Variants in ATM observed in about 807,000 individuals in gnomAD.
ATM encodes serine-protein kinase ATM.
Under a neutral mutation model 387.0 loss-of-function variants are expected in ATM, and 308 were observed. That is an observed-to-expected ratio of 0.80 (90% CI 0.73 to 0.87). The LOEUF is 0.87. Among genes scored for constraint, ATM ranks in the 40% least tolerant of loss-of-function variants. The pLI is 0.00. For missense variants in ATM, 3,312 were observed against 3,560.9 expected (o/e 0.93, Z 1.78); for synonymous variants, 1,156 against 1,187.3 (o/e 0.97, Z 0.54).
At chr11:108,311,236 A>G (rs1225531457) in intron 39 of ATM, among the ~76,000 whole-genome samples, 3 of 152,118 alleles carry the variant, frequency 2.0e-5, no homozygotes, top group African/African-American at 7.2e-5. Context: ...CAGCCTTTCA[A>G]AGTGCTGGGA....
At chr11:108,354,785 C>T (rs373681524) in intron 60 of ATM, 26 bp from the exon 61 acceptor site, 178 of 1,598,370 alleles carry the variant, frequency 1.1e-4, no homozygotes, top group Non-Finnish European at 1.3e-4. Flanking sequence ...TAACAAAATC[C>T]GTATTTATAA....
chr11:108,238,214 A>T (rs1473993971), intron 5 of ATM, among the ~76,000 whole-genome samples: 2 of 152,040 alleles, frequency 1.3e-5, no homozygotes, highest in East Asian at 3.8e-4. Flanking sequence ...GACTTGAGCC[A>T]CCGCGTCTGG....
chr11:108,310,915 G>A (rs1327965306), intron 39 of ATM, among the ~76,000 whole-genome samples: 1 of 152,096 alleles, frequency 6.6e-6, no homozygotes, highest in African/African-American at 2.4e-5. Context: ...AAATAAGAAA[G>A]TAAGAGTAAA....
In ATM at chr11:108,354,877, A is replaced by G. The variant is rs769427492; in HGVS notation, c.8850+3A>G. 9 of 1,610,124 alleles carry G rather than the reference A, an allele frequency of 5.6e-6. No individual in the cohort carries two copies. The highest frequency in any genetic ancestry group is 1.3e-5 in the African/African-American group (1 of 74,866). On this transcript the variant is annotated splice_donor_region_variant and intron_variant, in intron 61 of 62. Transcript: ENST00000675843. The stretch of plus-strand genomic sequence containing the variant: ...AAACTCTGTTAACCATTGTAGAGGT[A>G]AAGTATTTTATAAGGAAGACTTTAT...
At chr11:108,264,348 A>G (rs933376828) in intron 16 of ATM, among the ~76,000 whole-genome samples, 15 of 152,210 alleles carry the variant, frequency 9.9e-5, no homozygotes, top group African/African-American at 3.6e-4. Context: ...AATAAATGTA[A>G]TCCAGCATGT....
intron 56 of ATM, among the ~76,000 whole-genome samples, chr11:108,337,221 C>CAT (rs1169223205): frequency 2.0e-5 from 3 of 152,124 alleles, no homozygotes; most frequent in Admixed American, 1.3e-4. Context: ...GGGAGAGGGG[C>CAT]ATACTGTTCA....
At chr11:108,286,255 G>A (rs979707528) in intron 26 of ATM, among the ~76,000 whole-genome samples, 15 of 129,368 alleles carry the variant, frequency 1.2e-4, no homozygotes, top group African/African-American at 4.4e-4. Flanking sequence ...GGAGGTTGCA[G>A]TGAGCCAAGA....
intron 16 of ATM, among the ~76,000 whole-genome samples, chr11:108,262,618 A>T (rs1483203472): frequency 6.6e-6 from 1 of 152,210 alleles, no homozygotes; most frequent in African/African-American, 2.4e-5. Context: ...GACAGGATCA[A>T]ATTCACACAT....
In ATM at chr11:108,327,731, G is replaced by C. The variant is rs143489373; in HGVS notation, c.7062G>C (p.Ala2354=). 1.9e-6 allele frequency: 3 copies of C among 1,613,702 alleles called. No homozygotes were observed. Among genetic ancestry groups the C allele is most frequent in the African/African-American group, 1.3e-5 (1 of 74,836 alleles). The part of the protein sequence containing the change: ...WLAETCLENP[A]VIMQTYLEKA... The stretch of plus-strand genomic sequence containing the variant: ...CAGAAACGTGCTTAGAAAATCCTGC[G>C]GTCATCATGCAGACCTATCTAGAAA... The change falls in exon 48 of 63, where the codon GCG becomes GCC. Residue 2354 remains alanine, a synonymous_variant. Coordinates refer to ENST00000675843, the MANE Select transcript of ATM (RefSeq NM_000051.4).
chr11:108,338,670 GGGGTT>G (rs1256956374), intron 56 of ATM, among the ~76,000 whole-genome samples: 22 of 151,942 alleles, frequency 1.4e-4, no homozygotes, highest in African/African-American at 4.6e-4. Context: ...AAAAAAAAGT[GGGGTT>G]GGGGGGTAAC....
chr11:108,288,939 TA>T (rs1565454739), intron 27 of ATM, 37 bp from the exon 28 acceptor site: 1 of 1,612,988 alleles, frequency 6.2e-7, no homozygotes. Context: ...CAAAACTTTT[TA>T]AAACGATGAC....
intron 11 of ATM, among the ~76,000 whole-genome samples, 174 bp from the exon 12 acceptor site, chr11:108,252,640 GTCC>G (rs1242481310): frequency 2.0e-5 from 3 of 152,112 alleles, no homozygotes; most frequent in South Asian, 2.1e-4. Flanking sequence ...AACAATGGTT[GTCC>G]TCCTTAAATT....
In ATM at chr11:108,347,347, C is replaced by CT. The variant is rs753961188; in HGVS notation, c.8655dup (p.Val2886CysfsTer10). 1.1e-5 allele frequency: 17 copies of CT among 1,605,896 alleles called. No homozygotes were observed. Among genetic ancestry groups the CT allele is most frequent in the Non-Finnish European group, 1.0e-5 (12 of 1,172,900 alleles). On this transcript the variant is annotated frameshift_variant, in exon 59 of 63. Coordinates refer to ENST00000675843, the MANE Select transcript of ATM (RefSeq NM_000051.4). LOFTEE classifies it high-confidence loss of function. ...CTTGATAAATGAGCAGTCAGCAGAA[C>CT]TTGTACATATAGATCTAGGTAAGTA...
intron 9 of ATM, 24 bp from the exon 10 acceptor site, chr11:108,250,677 A>G (rs767509326): frequency 1.3e-6 from 2 of 1,541,184 alleles, no homozygotes; most frequent in South Asian, 1.1e-5. Context: ...TAGTTTTCAA[A>G]TTATCCTTTT....
At position 108,251,006 on chromosome 11, in the gene ATM, G is replaced by A. The variant is rs2235000; in HGVS notation, c.1541G>A (p.Gly514Asp). Reference sequence around the variant, plus strand: ...GGCTTACTTGGAGCCATAATTCAGGGTAGTTTAGTTGAGGTTGACAGAGAA... The same window carrying A: ...GGCTTACTTGGAGCCATAATTCAGGATAGTTTAGTTGAGGTTGACAGAGAA... ...NFGLLGAIIQ[G>D]SLVEVDREFW... is the part of the protein sequence containing the mutation. Residue 514 changes from glycine to aspartate, a missense_variant, in exon 10 of 63, where the codon GGT becomes GAT. This residue lies in a region of ATM where 1,791 missense variants were observed against 1,804.5 expected (regional missense o/e 0.99). Coordinates refer to ENST00000675843, the MANE Select transcript of ATM (RefSeq NM_000051.4). 3.2e-3 allele frequency: 5,224 copies of A among 1,614,114 alleles called. 143 individuals carry two copies. The African/African-American group carries it at 0.062, about 19-fold the overall frequency.
chr11:108,275,575 A>G (rs941447486), intron 22 of ATM, among the ~76,000 whole-genome samples: 1 of 152,198 alleles, frequency 6.6e-6, no homozygotes, highest in African/African-American at 2.4e-5. Context: ...AAAATCTCTC[A>G]GCATTTGCTT....
At position 108,368,608 on chromosome 11, in the gene ATM, A is replaced by G. The variant is rs1250193649; in HGVS notation, c.*3100A>G. On this transcript the variant is annotated 3_prime_UTR_variant, in exon 63 of 63. Coordinates refer to ENST00000675843, the MANE Select transcript of ATM (RefSeq NM_000051.4). ...ACTTGAAAAGATTTCAGGCGAAAAG[A>G]ATCTGGGGTTTGCCAGTCAGTTGCT... The G allele has an allele frequency of 4.6e-6, 1 of 218,542 alleles. No individual in the cohort carries two copies. Among genetic ancestry groups the G allele is most frequent in the African/African-American group, 2.2e-5 (1 of 44,532 alleles). The allele number at this position is 218,542 out of a possible 1,614,324, so 13.5% of individuals were successfully genotyped here.
chr11:108,295,079 T>C lies in ATM; in HGVS notation c.4909+20T>C, dbSNP rs1401279002. ...CTCAGGGTGCTAATTTTAAATGACA[T>C]GGGCTATTTCTACCTGTTTCTTTTT... On this transcript the variant is annotated intron_variant, in intron 32 of 62. Coordinates refer to ENST00000675843, the MANE Select transcript of ATM (RefSeq NM_000051.4). 9.3e-6 allele frequency: 15 copies of C among 1,613,414 alleles called. No homozygotes were observed. Among genetic ancestry groups the C allele is most frequent in the Non-Finnish European group, 1.3e-5 (15 of 1,179,562 alleles).
intron 59 of ATM, among the ~76,000 whole-genome samples, chr11:108,350,465 T>A (rs1472187965): frequency 6.6e-6 from 1 of 152,200 alleles, no homozygotes; most frequent in African/African-American, 2.4e-5. Context: ...AGAAGCAGTT[T>A]TAGCAGACTC....
Sources: allele counts gnomAD v4.1 joint callset (sites outside exome capture counted in the v4.1 genomes callset), GRCh38; gene constraint gnomAD v4.1.1; regional missense constraint gnomAD v4.1.1; transcripts MANE v1.5; gene names NCBI Gene and HGNC (gene_info 2026-07-23, HGNC 2026-07-21).